Variants in FMN1 observed in about 807,000 individuals in gnomAD.
FMN1 encodes the protein formin-1.
FMN1 carries 110 observed loss-of-function variants against 132.4 expected under a neutral mutation model. The ratio of observed to expected loss-of-function variants is 0.83; its 90% CI spans 0.71 to 0.97. The LOEUF (loss-of-function observed/expected upper bound fraction) is 0.97, where lower values mean the gene tolerates loss of function less well. Among genes scored for constraint, FMN1 ranks in the 50% least tolerant of loss-of-function variants. The pLI is 0.00. For missense variants in FMN1, 1,792 were observed against 1,705.3 expected, an observed-to-expected ratio of 1.05 and a Z score of -0.90; for synonymous variants, 722 against 651.7, an observed-to-expected ratio of 1.11 and a Z score of -1.64.
chr15:33,042,716 C>T (rs1463464090), intron 6 of FMN1, among the ~76,000 whole-genome samples: 3 of 151,788 alleles, frequency 2.0e-5, no homozygotes, highest in Non-Finnish European at 4.4e-5. Context: ...TAACAGCTTA[C>T]ATTACTTTGG....
chr15:33,136,585 T>C (rs1355237603), intron 4 of FMN1, among the ~76,000 whole-genome samples: 1 of 152,112 alleles, frequency 6.6e-6, no homozygotes, highest in Non-Finnish European at 1.5e-5. Flanking sequence ...GAAGCAAGGA[T>C]CGTGGTAATG....
intron 2 of FMN1, 49 bp from the exon 3 acceptor site, chr15:33,180,311 A>G (rs1965651807): frequency 6.6e-6 from 1 of 151,946 alleles, no homozygotes; most frequent in Non-Finnish European, 1.5e-5. Context: ...AGTAATTTGC[A>G]CATTAGGTGT....
intron 4 of FMN1, among the ~76,000 whole-genome samples, chr15:33,148,772 G>A (rs1964329391): frequency 6.6e-6 from 1 of 152,102 alleles, no homozygotes; most frequent in Non-Finnish European, 1.5e-5. Context: ...TCTTCCGTTG[G>A]TTTCTGGATT....
intron 5 of FMN1, among the ~76,000 whole-genome samples, chr15:33,077,951 C>G (rs1173039779): frequency 6.6e-6 from 1 of 152,106 alleles, no homozygotes; most frequent in African/African-American, 2.4e-5. Context: ...CCATCTCACA[C>G]CAGTTAGAAT....
At chr15:32,874,131 C>T (rs2059584579) in intron 16 of FMN1, among the ~76,000 whole-genome samples, 1 of 149,784 alleles carries the variant, frequency 6.7e-6, no homozygotes, top group Non-Finnish European at 1.5e-5. Context: ...AAGCGATTCT[C>T]CTGCCTTAGC....
intron 17 of FMN1, among the ~76,000 whole-genome samples, chr15:32,846,653 G>T (rs1027558563): frequency 6.6e-6 from 1 of 152,150 alleles, no homozygotes; most frequent in Non-Finnish European, 1.5e-5. Flanking sequence ...ACAGTGTGGC[G>T]ATTCCTCAAG....
rs958120420 is a variant in FMN1, at chr15:33,153,256, G to A, written c.1659C>T (p.Asp553=). The change falls in exon 4 of 21, where the codon GAC becomes GAT. Residue 553 remains aspartate, a synonymous_variant. Coordinates refer to ENST00000616417, the MANE Select transcript of FMN1 (RefSeq NM_001277313.2). The part of the protein sequence containing the change: ...LPGEREAALN[D]SPCRKSRVFS... ...AGACACGGCTCTTTCTACAAGGAGA[G>A]TCATTAAGAGCAGCTTCCCTCTCAC... 69 of 1,536,036 alleles carry A rather than the reference G, an allele frequency of 4.5e-5. No homozygotes were observed. Among genetic ancestry groups the A allele is most frequent in the Non-Finnish European group, 5.7e-5 (65 of 1,146,930 alleles).
chr15:33,013,226 G>A (rs1436271379), intron 6 of FMN1, among the ~76,000 whole-genome samples: 1 of 152,140 alleles, frequency 6.6e-6, no homozygotes, highest in Non-Finnish European at 1.5e-5. Flanking sequence ...TCCCGTGTAT[G>A]GGCAAAAGAG....
intron 5 of FMN1, among the ~76,000 whole-genome samples, chr15:33,087,127 CA>C (rs1414526040): frequency 6.6e-6 from 1 of 152,180 alleles, no homozygotes; most frequent in Non-Finnish European, 1.5e-5. Flanking sequence ...AGAGGGATTG[CA>C]GAGAATCACA....
rs547392989 is a variant in FMN1 at position 33,189,001 on chromosome 15, T to G, written c.-197+4908A>C. Among the ~76,000 whole-genome samples, 3 of 152,364 alleles carry G rather than the reference T, an allele frequency of 2.0e-5. No homozygotes were observed. In the South Asian group the frequency reaches 6.2e-4, roughly 32 times the overall value. ...GCTTGAAAAAACTTTAAGGTTTTTTTGTTTCAACCTACCACAGTCTTCCTT... is the reference window on the plus strand; with the variant it reads ...GCTTGAAAAAACTTTAAGGTTTTTTGGTTTCAACCTACCACAGTCTTCCTT... On this transcript the variant is annotated intron_variant, in intron 2 of 20. Coordinates refer to ENST00000616417, the MANE Select transcript of FMN1 (RefSeq NM_001277313.2).
chr15:33,175,664 G>A (rs1315279751), intron 3 of FMN1, among the ~76,000 whole-genome samples: 4 of 152,102 alleles, frequency 2.6e-5, no homozygotes, highest in African/African-American at 9.7e-5. Flanking sequence ...CAACTGCTAG[G>A]TATGGCCTCA....
intron 20 of FMN1, among the ~76,000 whole-genome samples, chr15:32,775,494 G>A (rs2056387810): frequency 6.6e-6 from 1 of 152,162 alleles, no homozygotes; most frequent in Non-Finnish European, 1.5e-5. Context: ...CAAATAAAAG[G>A]TCTGAGGAAG....
chr15:32,983,734 T>G (rs1380732612), intron 7 of FMN1, among the ~76,000 whole-genome samples: 2 of 152,302 alleles, frequency 1.3e-5, no homozygotes, highest in Middle Eastern at 3.4e-3. Context: ...AAAGCATTAC[T>G]CACGTCTTAA....
At chr15:33,125,266 T>TAA (rs1247976159) in intron 4 of FMN1, among the ~76,000 whole-genome samples, 2 of 152,206 alleles carry the variant, frequency 1.3e-5, no homozygotes, top group Non-Finnish European at 2.9e-5. Context: ...AAGACTCTTG[T>TAA]AAAGTTTAGA....
rs1378266847 is a variant in FMN1, at chr15:32,798,284, G to A, written c.4130+520C>T. ...CTAATAAAATCGGGGGCTGCAACGA[G>A]GCTGAGCGGCACGCAGTTTGATGTC... On this transcript the variant is annotated intron_variant, in intron 19 of 20. Transcript: ENST00000616417. Among the ~76,000 whole-genome samples, 3 of 152,186 alleles carry A rather than the reference G, an allele frequency of 2.0e-5. No individual in the cohort carries two copies. In the East Asian group the frequency reaches 5.8e-4, roughly 29 times the overall value.
chr15:32,810,066 C>T (rs566462413), intron 17 of FMN1, among the ~76,000 whole-genome samples: 2 of 152,078 alleles, frequency 1.3e-5, no homozygotes, highest in African/African-American at 4.8e-5. Context: ...ATTATAGGCA[C>T]GCACCATGGC....
intron 6 of FMN1, among the ~76,000 whole-genome samples, chr15:33,053,743 G>A (rs919233924): frequency 1.3e-5 from 2 of 152,128 alleles, no homozygotes; most frequent in African/African-American, 2.4e-5. Context: ...CAAATGGAGA[G>A]GTATAGGTGA....
chr15:33,101,923 A>G (rs2039308902), intron 4 of FMN1, among the ~76,000 whole-genome samples: 1 of 152,088 alleles, frequency 6.6e-6, no homozygotes, highest in Non-Finnish European at 1.5e-5. Context: ...CATTCCTCAT[A>G]ATACACTTCC....
intron 17 of FMN1, among the ~76,000 whole-genome samples, chr15:32,818,621 G>T (rs2058120491): frequency 6.6e-6 from 1 of 152,102 alleles, no homozygotes; most frequent in Non-Finnish European, 1.5e-5. Flanking sequence ...AGTAAGTTGA[G>T]ATTTCTTTAT....
Sources: gnomAD v4.1 joint callset for allele counts (sites outside exome capture counted in the v4.1 genomes callset) on GRCh38, gnomAD v4.1.1 for gene constraint, MANE v1.5 for transcripts, NCBI Gene and HGNC (gene_info 2026-07-23, HGNC 2026-07-21) for gene names.